Variants in PRELID3A observed in about 807,000 individuals in gnomAD.
PRELID3A encodes the protein PRELI domain containing 3A.
PRELID3A carries 27 observed loss-of-function variants against 23.0 expected under a neutral mutation model. The observed-to-expected ratio is 1.17, with a 90% CI of 0.87 to 1.62. The LOEUF (loss-of-function observed/expected upper bound fraction) is 1.62. Among genes scored for constraint, PRELID3A ranks in the 40% most tolerant of loss-of-function variants. PRELID3A has a pLI of 0.00. For synonymous variants in PRELID3A, 87 were observed against 86.4 expected (o/e 1.01, Z -0.04); for missense variants, 231 against 231.4 (o/e 1.00, Z 0.01).
intron 5 of PRELID3A, among the ~76,000 whole-genome samples, chr18:12,427,899 C>T (rs975018913): frequency 2.0e-5 from 3 of 152,020 alleles, no homozygotes; most frequent in African/African-American, 7.2e-5. Context: ...AAACCTGGAG[C>T]ATAAACCCAG....
At chr18:12,426,624 A>C (rs2030389656) in intron 3 of PRELID3A, among the ~76,000 whole-genome samples, 1 of 151,710 alleles carries the variant, frequency 6.6e-6, no homozygotes, top group Non-Finnish European at 1.5e-5. Context: ...TGGAGGAGAC[A>C]AGAACCCTGC....
rs566534779 is a variant in PRELID3A, at chr18:12,407,939, G to T, written c.-37G>T. On this transcript the variant is annotated 5_prime_UTR_variant, in exon 1 of 7. Transcript: ENST00000440960. ...GGAGCCGCGCGGCCCGAAGCACCCG[G>T]CCCGGATCGCAGAGCCCGCGCCCTG... The T allele has an allele frequency of 2.6e-4, 330 of 1,288,814 alleles. 1 individual carries two copies. The highest frequency in any genetic ancestry group is 3.1e-4 in the Non-Finnish European group (317 of 1,021,364). 79.8% of individuals were successfully genotyped at this position (1,288,814 alleles called of 1,614,324 possible).
intron 3 of PRELID3A, among the ~76,000 whole-genome samples, chr18:12,422,600 A>G (rs1218487713): frequency 6.6e-6 from 1 of 151,234 alleles, no homozygotes; most frequent in Non-Finnish European, 1.5e-5. Flanking sequence ...CTCGTGATCC[A>G]CCCGCCTCAG....
At chr18:12,423,753 G>C (rs375310135) in intron 3 of PRELID3A, among the ~76,000 whole-genome samples, 1 of 152,182 alleles carries the variant, frequency 6.6e-6, no homozygotes, top group African/African-American at 2.4e-5. Context: ...GCGGCCATGC[G>C]CAAGTACCCG....
chr18:12,418,468 GTGTGCA>G (rs376219643), intron 1 of PRELID3A, among the ~76,000 whole-genome samples: 57 of 152,356 alleles, frequency 3.7e-4, no homozygotes, highest in African/African-American at 1.4e-3. Context: ...TTCAAGATGT[GTGTGCA>G]TGTGCATGTA....
chr18:12,413,868 G>T (rs2029877417), intron 1 of PRELID3A, among the ~76,000 whole-genome samples: 1 of 152,222 alleles, frequency 6.6e-6, no homozygotes, highest in Admixed American at 6.5e-5. Flanking sequence ...ACAGGCGTGA[G>T]CCACCGTGCC....
chr18:12,413,516 C>T lies in PRELID3A; in HGVS notation c.32+5509C>T, dbSNP rs150782425. On this transcript the variant is annotated intron_variant, in intron 1 of 6. Transcript: ENST00000440960. ...GGAATATAGGCCTCCACTGAGCGTG[C>T]AGCATGAGGCAGTCATCCAGCTCCT... Among the ~76,000 whole-genome samples, 47 of 152,326 alleles carry T rather than the reference C, an allele frequency of 3.1e-4. No homozygotes were observed. In the East Asian group the frequency reaches 5.4e-3, roughly 18 times the overall value.
At chr18:12,410,149 C>T (rs893332174) in intron 1 of PRELID3A, among the ~76,000 whole-genome samples, 2 of 152,218 alleles carry the variant, frequency 1.3e-5, no homozygotes, top group Non-Finnish European at 2.9e-5. Context: ...TTGAGGCTCA[C>T]CATGTGGTAG....
chr18:12,418,874 A>G (rs1286768540), intron 1 of PRELID3A, among the ~76,000 whole-genome samples: 10 of 152,138 alleles, frequency 6.6e-5, no homozygotes, highest in Admixed American at 6.6e-4. Context: ...GTGACTTGCA[A>G]CCACTCTGAT....
chr18:12,419,099 G>A lies in PRELID3A; in HGVS notation c.33-1226G>A, dbSNP rs956540039. Among the ~76,000 whole-genome samples, 8 of 152,080 alleles carry A rather than the reference G, an allele frequency of 5.3e-5. No homozygotes were observed. In the East Asian group the frequency reaches 1.6e-3, roughly 30 times the overall value. On this transcript the variant is annotated intron_variant, in intron 1 of 6. Transcript: ENST00000440960. ...AGCACTTTGGGACGCTGAGGCAGGC[G>A]GATCACGAGGTCAGCAGTTTGAGAC...
intron 5 of PRELID3A, among the ~76,000 whole-genome samples, chr18:12,427,627 G>A (rs563170121): frequency 1.5e-3 from 231 of 152,036 alleles, no homozygotes; most frequent in South Asian, 0.013. Flanking sequence ...CCCATGAGGC[G>A]GAGGTTGCAG....
intron 1 of PRELID3A, among the ~76,000 whole-genome samples, chr18:12,411,586 G>T (rs1909914412): frequency 6.6e-6 from 1 of 152,200 alleles, no homozygotes; most frequent in Non-Finnish European, 1.5e-5. Context: ...TTTCCTGCAG[G>T]GTTCAAGGCT....
chr18:12,424,783 A>G (rs1396596467), intron 3 of PRELID3A, among the ~76,000 whole-genome samples: 1 of 152,248 alleles, frequency 6.6e-6, no homozygotes, highest in Non-Finnish European at 1.5e-5. Flanking sequence ...CAATGAAGCA[A>G]TTCTAGAGCT....
At position 12,420,425 on chromosome 18, in the gene PRELID3A, G is replaced by A. The variant is rs764905139; in HGVS notation, c.133G>A (p.Gly45Ser). The A allele has an allele frequency of 1.3e-6, 2 of 1,589,554 alleles. No homozygotes were observed. Among genetic ancestry groups the A allele is most frequent in the Non-Finnish European group, 1.7e-6 (2 of 1,169,124 alleles). Residue 45 changes from glycine (G) to serine (S), a missense_variant, in exon 2 of 7, where the codon GGC (glycine) becomes AGC (serine). By Grantham distance (56) the Gly-to-Ser change is moderately conservative. Coordinates refer to ENST00000440960, the MANE Select transcript of PRELID3A (RefSeq NM_001142405.2). ...GVDVLQRRVD[G>S]RGRLHSLRLL... ...GGATGTGCTACAGCGCCGCGTGGACGGCCGCGGCCGCCTGCACAGCTTGCG... is the reference window on the plus strand; with the variant it reads ...GGATGTGCTACAGCGCCGCGTGGACAGCCGCGGCCGCCTGCACAGCTTGCG...
At chr18:12,426,199 C>T (rs1006962546) in intron 3 of PRELID3A, among the ~76,000 whole-genome samples, 5 of 149,546 alleles carry the variant, frequency 3.3e-5, no homozygotes, top group Non-Finnish European at 7.4e-5. Flanking sequence ...AGATCATGCC[C>T]CTGCAGTCCA....
At chr18:12,428,984 A>G (rs1296093551) in intron 5 of PRELID3A, among the ~76,000 whole-genome samples, 1 of 152,106 alleles carries the variant, frequency 6.6e-6, no homozygotes, top group Non-Finnish European at 1.5e-5. Flanking sequence ...GAAACAGCGG[A>G]GCGGCCTGAG....
chr18:12,408,804 A>C (rs1909812819), intron 1 of PRELID3A, among the ~76,000 whole-genome samples: 1 of 152,160 alleles, frequency 6.6e-6, no homozygotes, highest in African/African-American at 2.4e-5. Context: ...AATGGGTGCA[A>C]GACACCTTCC....
chr18:12,426,518 C>CA (rs1296120812), intron 3 of PRELID3A, among the ~76,000 whole-genome samples: 4 of 121,452 alleles, frequency 3.3e-5, no homozygotes, highest in African/African-American at 1.3e-4. Flanking sequence ...CGCGCCACTG[C>CA]ACTCCAGCCT....
intron 1 of PRELID3A, among the ~76,000 whole-genome samples, chr18:12,414,953 C>T (rs950529331): frequency 2.0e-5 from 3 of 151,666 alleles, no homozygotes; most frequent in Non-Finnish European, 2.9e-5. Context: ...TTTTTAGAGA[C>T]GGTCTTGCTC....
Sources: gnomAD v4.1 joint callset for allele counts (sites outside exome capture counted in the v4.1 genomes callset) on GRCh38, gnomAD v4.1.1 for gene constraint, MANE v1.5 for transcripts, NCBI Gene and HGNC (gene_info 2026-07-23, HGNC 2026-07-21) for gene names.